Variants in CHD6 observed in about 807,000 individuals in gnomAD.
CHD6 encodes the protein chromodomain helicase DNA binding protein 6, also known as ATP-dependent chromatin remodeler CHD6.
In CHD6, 50 loss-of-function variants were observed where a neutral mutation model predicts 276.9. That is an observed-to-expected ratio of 0.18 (90% confidence interval 0.14 to 0.23). CHD6 has a LOEUF of 0.23. CHD6 is among the 10% of genes least tolerant of loss of function. The pLI is 1.00. For missense variants in CHD6, 2,564 were observed against 3,365.8 expected (o/e 0.76, Z 5.89); for synonymous variants, 1,173 against 1,229.3 (o/e 0.95, Z 0.96).
chr20:41,585,101 A>G (rs2045579837), intron 1 of CHD6, among the ~76,000 whole-genome samples: 1 of 152,244 alleles, frequency 6.6e-6, no homozygotes, highest in South Asian at 2.1e-4. Context: ...CATGAGGTAT[A>G]CATTAAAGGA....
intron 1 of CHD6, among the ~76,000 whole-genome samples, chr20:41,565,584 C>G (rs2045346461): frequency 6.6e-6 from 1 of 152,196 alleles, no homozygotes; most frequent in Non-Finnish European, 1.5e-5. Context: ...ATCCTTTTAT[C>G]TTAAGATAAT....
chr20:41,451,182 G>T, intron 22 of CHD6, 77 bp from the exon 23 acceptor site: 1 of 1,335,048 alleles, frequency 7.5e-7, no homozygotes, highest in Non-Finnish European at 1.1e-6. Context: ...GAGCTGGGCT[G>T]GGGTTTGTTA....
At chr20:41,491,672 C>T (rs746655346) in intron 11 of CHD6, 26 bp downstream of exon 11, 4 of 1,613,276 alleles carry the variant, frequency 2.5e-6, no homozygotes, top group Non-Finnish European at 3.4e-6. Context: ...TGGGTACAAA[C>T]ATCTGGGCTG....
At chr20:41,459,857 G>A (rs555446236) in intron 17 of CHD6, among the ~76,000 whole-genome samples, 6 of 152,368 alleles carry the variant, frequency 3.9e-5, no homozygotes, top group African/African-American at 1.2e-4. Context: ...AAACGCGGAA[G>A]CGACTTTGGA....
chr20:41,439,948 C>T, intron 26 of CHD6, 52 bp downstream of exon 26: 1 of 1,598,102 alleles, frequency 6.3e-7, no homozygotes, highest in Non-Finnish European at 8.6e-7. Context: ...GAAGGGGTCA[C>T]AGATCAGTGG....
Position 41,403,858 on chromosome 20 carries a change from A to G in CHD6, c.*735T>C. The G allele has an allele frequency of 9.5e-7, 1 of 1,056,130 alleles. No individual in the cohort carries two copies. Among genetic ancestry groups the G allele is most frequent in the Non-Finnish European group, 1.1e-6 (1 of 873,522 alleles). 65.4% of individuals were successfully genotyped at this position (1,056,130 alleles called of 1,614,324 possible). On this transcript the variant is annotated 3_prime_UTR_variant, in exon 37 of 37. Transcript: ENST00000373233. ...CCACCCCCGTCGACAGCAATAACTC[A>G]TGGTGGGTAAAGCTTTCTCGCAGCA...
intron 2 of CHD6, among the ~76,000 whole-genome samples, chr20:41,540,103 C>T (rs1405918696): frequency 6.6e-6 from 1 of 152,174 alleles, no homozygotes; most frequent in Non-Finnish European, 1.5e-5. Context: ...TTTTACCTGT[C>T]TCCCATGAGT....
chr20:41,557,752 G>A (rs1315490645), intron 1 of CHD6, among the ~76,000 whole-genome samples: 1 of 152,096 alleles, frequency 6.6e-6, no homozygotes, highest in East Asian at 1.9e-4. Context: ...CAATAACGAT[G>A]GAGAATTCTG....
At chr20:41,465,824 A>C (rs942926017) in intron 17 of CHD6, among the ~76,000 whole-genome samples, 6 of 152,226 alleles carry the variant, frequency 3.9e-5, no homozygotes, top group African/African-American at 1.4e-4. Flanking sequence ...ATGGTTCCAA[A>C]GTCAAATACA....
chr20:41,513,476 T>G (rs139570117), intron 4 of CHD6, among the ~76,000 whole-genome samples: 48 of 152,326 alleles, frequency 3.2e-4, no homozygotes, highest in Non-Finnish European at 6.5e-4. Context: ...GAAAACTAAT[T>G]AGTATCAATT....
intron 1 of CHD6, among the ~76,000 whole-genome samples, chr20:41,581,644 C>T (rs1279938394): frequency 6.6e-6 from 1 of 151,022 alleles, no homozygotes; most frequent in Non-Finnish European, 1.5e-5. Flanking sequence ...CCACTGTACT[C>T]CAGCCTGACG....
chr20:41,611,721 T>C (rs2045889012), intron 1 of CHD6, among the ~76,000 whole-genome samples: 1 of 152,034 alleles, frequency 6.6e-6, no homozygotes, highest in Non-Finnish European at 1.5e-5. Flanking sequence ...CACTGCAACC[T>C]CCGCCTCCCC....
intron 1 of CHD6, among the ~76,000 whole-genome samples, chr20:41,613,169 A>C (rs1015824890): frequency 3.3e-5 from 5 of 152,220 alleles, no homozygotes; most frequent in African/African-American, 1.2e-4. Context: ...CTCCACTAAA[A>C]ATTAGCACTA....
chr20:41,570,721 C>G (rs972269479), intron 1 of CHD6, among the ~76,000 whole-genome samples: 1 of 152,220 alleles, frequency 6.6e-6, no homozygotes, highest in African/African-American at 2.4e-5. Context: ...TGGGAGATAT[C>G]AAGCTCTGTC....
At chr20:41,615,215 G>T (rs1478390975) in intron 1 of CHD6, among the ~76,000 whole-genome samples, 1 of 152,124 alleles carries the variant, frequency 6.6e-6, no homozygotes, top group Non-Finnish European at 1.5e-5. Flanking sequence ...CCAGTCTCAC[G>T]AAGTGGCTAT....
chr20:41,611,307 T>A (rs1056976237), intron 1 of CHD6, among the ~76,000 whole-genome samples: 1 of 152,236 alleles, frequency 6.6e-6, no homozygotes. Flanking sequence ...TCTAGAGCTG[T>A]GCTGTCTAAT....
chr20:41,597,689 AGT>A (rs2045732231), intron 1 of CHD6, among the ~76,000 whole-genome samples: 1 of 151,976 alleles, frequency 6.6e-6, no homozygotes, highest in Non-Finnish European at 1.5e-5. Flanking sequence ...CCCCCATCAG[AGT>A]AATGTTAAAG....
At chr20:41,405,665 A>C (rs538988384) in intron 36 of CHD6, among the ~76,000 whole-genome samples, 176 bp from the exon 37 acceptor site, 1 of 152,208 alleles carries the variant, frequency 6.6e-6, no homozygotes, top group Non-Finnish European at 1.5e-5. Context: ...TGTACCTGAC[A>C]GGCTTCTCCC....
intron 17 of CHD6, among the ~76,000 whole-genome samples, chr20:41,466,449 G>A (rs941556142): frequency 6.6e-6 from 1 of 152,038 alleles, no homozygotes; most frequent in South Asian, 2.1e-4. Context: ...GTCATCTATT[G>A]CTGAACAATT....
Sources: allele counts gnomAD v4.1 joint callset (sites outside exome capture counted in the v4.1 genomes callset), GRCh38; gene constraint gnomAD v4.1.1; transcripts MANE v1.5; gene names NCBI Gene and HGNC (gene_info 2026-07-23, HGNC 2026-07-21).